The following GYG1 variants were observed in gnomAD, a reference collection of about 807,000 sequenced individuals.
GYG1 encodes the protein glycogenin 1, also known as glycogenin-1.
GYG1 carries 44 observed loss-of-function variants against 41.9 expected under a neutral mutation model. The observed-to-expected ratio is 1.05, with a 90% CI of 0.83 to 1.35. The LOEUF is 1.35. GYG1 is among the 40% of genes most tolerant of loss of function. The pLI, the probability that GYG1 is intolerant of heterozygous loss-of-function variation, is 0.00. For missense variants in GYG1, 429 were observed against 418.9 expected (o/e 1.02, Z -0.21); for synonymous variants, 141 against 158.1 (o/e 0.89, Z 0.81).
chr3:149,018,474 G>A (rs1324851482), intron 5 of GYG1, among the ~76,000 whole-genome samples: 1 of 152,164 alleles, frequency 6.6e-6, no homozygotes, highest in East Asian at 1.9e-4. Flanking sequence ...TGCCCTAGAT[G>A]AGTTCTAGGA....
intron 4 of GYG1, among the ~76,000 whole-genome samples, chr3:149,004,905 C>G (rs1038272828): frequency 7.9e-5 from 12 of 152,304 alleles, no homozygotes; most frequent in Non-Finnish European, 1.5e-4. Flanking sequence ...ACAGAAACGG[C>G]CTTTTGTGGC....
At position 149,027,185 on chromosome 3, in the gene GYG1, T is replaced by G. The variant is rs1256378540; in HGVS notation, c.*252T>G. The G allele has an allele frequency of 1.1e-5, 6 of 535,334 alleles. No individual in the cohort carries two copies. The highest frequency in any genetic ancestry group is 2.0e-5 in the Non-Finnish European group (6 of 299,702). The allele number at this position is 535,334 out of a possible 1,614,324, so 33.2% of individuals were successfully genotyped here. ...TTCAGAAATTCTCACTTTTGTTGAC[T>G]GCCAACATACAAAGTAAGGGAAACT... On this transcript the variant is annotated 3_prime_UTR_variant, in exon 8 of 8. Coordinates refer to ENST00000345003, the MANE Select transcript of GYG1 (RefSeq NM_004130.4).
intron 4 of GYG1, chr3:149,009,066 G>A (rs945358775): frequency 8.0e-6 from 4 of 499,206 alleles, no homozygotes; most frequent in Non-Finnish European, 1.4e-5. Flanking sequence ...GGCTTAGACA[G>A]GAGAATTGCT....
chr3:149,014,178 TG>T (rs1713891095), intron 5 of GYG1, among the ~76,000 whole-genome samples: 1 of 152,082 alleles, frequency 6.6e-6, no homozygotes, highest in Non-Finnish European at 1.5e-5. Flanking sequence ...TCGGTGATAG[TG>T]ATGCCTCTTG....
intron 4 of GYG1, among the ~76,000 whole-genome samples, chr3:149,006,883 T>G (rs1713433826): frequency 6.6e-6 from 1 of 152,240 alleles, no homozygotes; most frequent in Non-Finnish European, 1.5e-5. Flanking sequence ...TTGGCTTTGA[T>G]AGTTTGTGCC....
intron 2 of GYG1, among the ~76,000 whole-genome samples, chr3:148,995,675 C>G (rs1712745265): frequency 6.6e-6 from 1 of 152,164 alleles, no homozygotes; most frequent in South Asian, 2.1e-4. Flanking sequence ...TTTTGTACAG[C>G]TTTGGAGACA....
intron 4 of GYG1, among the ~76,000 whole-genome samples, chr3:149,002,087 G>A (rs187632835): frequency 2.0e-5 from 3 of 152,234 alleles, no homozygotes; most frequent in Admixed American, 6.5e-5. Flanking sequence ...GTTTTATGGA[G>A]TCTAGATGTA....
rs1712669288 is a variant in GYG1, at chr3:148,994,351, A to G, written c.143+74A>G. 1.0e-5 allele frequency: 15 copies of G among 1,461,198 alleles called. No individual in the cohort carries two copies. In the South Asian group the frequency reaches 1.6e-4, roughly 15 times the overall value. The allele number at this position is 1,461,198 out of a possible 1,614,324, so 90.5% of individuals were successfully genotyped here. A position where few individuals can be genotyped will look rare whatever the true frequency, so the allele number is the denominator to read the frequency against. ...CTCCCTGTTGCTGACATCATTGGAC[A>G]TTGAGGCCATGCTCTTTTCAGGAAT... On this transcript the variant is annotated intron_variant, in intron 2 of 7. Transcript: ENST00000345003.
rs147025612 is a variant in GYG1 at position 148,998,411 on chromosome 3, A to C, written c.481+1507A>C. ...GGTGCAAAGGGCATCTGATGAGTGG[A>C]GGTCCAGGATGCTAAACATCCTACA... On this transcript the variant is annotated intron_variant, in intron 4 of 7. Transcript: ENST00000345003. Among the ~76,000 whole-genome samples, 284 of 152,250 alleles carry C rather than the reference A, an allele frequency of 1.9e-3. 1 individual carries two copies. The highest frequency in any genetic ancestry group is 6.7e-3 in the African/African-American group (277 of 41,526).
rs1713574048 is a variant in GYG1, at chr3:149,009,159, A to C, written c.482-117A>C. 3.7e-5 allele frequency: 7 copies of C among 191,622 alleles called. No homozygotes were observed. The South Asian group carries it at 5.9e-4, about 16-fold the overall frequency. The allele number at this position is 191,622 out of a possible 1,614,324, so 11.9% of individuals were successfully genotyped here. On this transcript the variant is annotated intron_variant, in intron 4 of 7. Transcript: ENST00000345003. ...GGGTGACAGAGCGAGACTCCGTCTC[A>C]AAAAAAAAAAAAAAATGGAATTAGT...
Position 149,018,080 on chromosome 3 carries a change from G to A in GYG1, c.609-5973G>A, listed in dbSNP as rs866436058. On this transcript the variant is annotated intron_variant, in intron 5 of 7. Coordinates refer to ENST00000345003, the MANE Select transcript of GYG1 (RefSeq NM_004130.4). ...AGTAGTTTCTCCTTTTACTTATGACGTTTGCCCTTACTTCATTTTGGTATG... is the reference window on the plus strand; with the variant it reads ...AGTAGTTTCTCCTTTTACTTATGACATTTGCCCTTACTTCATTTTGGTATG... Among the ~76,000 whole-genome samples, 14 of 152,132 alleles carry A rather than the reference G, an allele frequency of 9.2e-5. No homozygotes were observed. The South Asian group carries it at 1.2e-3, about 14-fold the overall frequency.
intron 5 of GYG1, among the ~76,000 whole-genome samples, chr3:149,020,745 T>C (rs1193867255): frequency 6.6e-6 from 1 of 152,204 alleles, no homozygotes; most frequent in Non-Finnish European, 1.5e-5. Context: ...TGTATGACAT[T>C]TATATTAAGT....
Position 149,028,992 on chromosome 3 carries a change from C to T in GYG1, c.*2059C>T, listed in dbSNP as rs189250655. 5.0e-4 allele frequency among the ~76,000 whole-genome samples: 76 copies of T among 152,316 alleles called. No individual in the cohort carries two copies. The highest frequency in any genetic ancestry group is 1.7e-3 in the African/African-American group (70 of 41,574). On this transcript the variant is annotated 3_prime_UTR_variant, in exon 8 of 8. Transcript: ENST00000345003. ...TTGGCCTCCCAAAGTGCTGGGATTA[C>T]AGGCGTGAGCCACTGCACCCAGCAA...
At chr3:148,996,942 A>G in intron 4 of GYG1, 38 bp downstream of exon 4, 4 of 1,510,468 alleles carry the variant, frequency 2.6e-6, no homozygotes, top group Non-Finnish European at 2.8e-6. Flanking sequence ...TAAGCTGTTA[A>G]TAGTAATTTC....
At chr3:148,992,005 G>C (rs550763883) in intron 1 of GYG1, among the ~76,000 whole-genome samples, 234 of 152,098 alleles carry the variant, frequency 1.5e-3, no homozygotes, top group African/African-American at 5.1e-3. Flanking sequence ...TTCCAGGCGG[G>C]AGTCCGGGGC....
chr3:149,003,197 C>T (rs1713197336), intron 4 of GYG1, among the ~76,000 whole-genome samples: 1 of 150,786 alleles, frequency 6.6e-6, no homozygotes, highest in Admixed American at 6.6e-5. Flanking sequence ...CTCACTGCAA[C>T]CTCTGCCTCC....
chr3:148,996,427 G>T lies in GYG1; in HGVS notation c.269G>T (p.Trp90Leu), dbSNP rs1477905562. The change falls in exon 3 of 8, where the codon TGG becomes TTG. Residue 90 changes from tryptophan to leucine, a missense_variant. Transcript: ENST00000345003. ...GTCACGCTGACAAAGCTCCACTGCT[G>T]GTCGCTTACACAGTATTCAAAATGT... ...LGVTLTKLHCWSLTQYSKCVF... is the reference protein window; with the variant it reads ...LGVTLTKLHCLSLTQYSKCVF... The T allele has an allele frequency of 2.5e-6, 4 of 1,613,852 alleles. No individual in the cohort carries two copies. The highest frequency in any genetic ancestry group is 1.3e-5 in the African/African-American group (1 of 74,918).
rs927458591 is a variant in GYG1 at position 149,027,347 on chromosome 3, T to G, written c.*414T>G. ...GTGTACCTTTCACGAGACCTGAATT[T>G]TAGAATTGCCCAGTGCTGCCAGAGT... is the stretch of plus-strand genomic sequence containing the variant. On this transcript the variant is annotated 3_prime_UTR_variant, in exon 8 of 8. Transcript: ENST00000345003. 1 of 212,526 alleles carries G rather than the reference T, an allele frequency of 4.7e-6. No individual in the cohort carries two copies. The highest frequency in any genetic ancestry group is 9.6e-6 in the Non-Finnish European group (1 of 103,876). The allele number at this position is 212,526 out of a possible 1,614,324, so 13.2% of individuals were successfully genotyped here.
At chr3:149,001,037 AT>A (rs1450472904) in intron 4 of GYG1, 1 of 152,194 alleles carries the variant, frequency 6.6e-6, no homozygotes, top group Non-Finnish European at 1.5e-5. Flanking sequence ...CCAGAGCTAG[AT>A]TTTAAAATCT....
Sources: gnomAD v4.1 joint callset for allele counts (sites outside exome capture counted in the v4.1 genomes callset) on GRCh38, gnomAD v4.1.1 for gene constraint, MANE v1.5 for transcripts, NCBI Gene and HGNC (gene_info 2026-07-23, HGNC 2026-07-21) for gene names.